The following TIAM1 variants were observed in gnomAD, a reference collection of about 807,000 sequenced individuals.
The protein encoded by TIAM1 is rho guanine nucleotide exchange factor TIAM1.
Under a neutral mutation model 163.5 loss-of-function variants are expected in TIAM1, and 65 were observed. That is an observed-to-expected ratio of 0.40 (90% CI 0.33 to 0.49). TIAM1 has a LOEUF of 0.49. Among genes scored for constraint, TIAM1 ranks in the 20% least tolerant of loss-of-function variants. The pLI is 0.77. For synonymous variants in TIAM1, 833 were observed against 810.1 expected (o/e 1.03, Z -0.48); for missense variants, 1,789 against 2,044.7 (o/e 0.87, Z 2.41).
chr21:31,327,138 G>A (rs755578843), intron 2 of TIAM1, among the ~76,000 whole-genome samples: 2 of 152,164 alleles, frequency 1.3e-5, no homozygotes, highest in African/African-American at 4.8e-5. Context: ...AAAGACGGTC[G>A]AATCTGCTCA....
chr21:31,392,112 A>G (rs920679042), intron 2 of TIAM1, among the ~76,000 whole-genome samples: 2 of 152,222 alleles, frequency 1.3e-5, no homozygotes, highest in Admixed American at 1.3e-4. Flanking sequence ...TGTTCGGTAG[A>G]TTAGGTGTAT....
At chr21:31,210,883 A>G (rs966940865) in intron 10 of TIAM1, among the ~76,000 whole-genome samples, 2 of 152,092 alleles carry the variant, frequency 1.3e-5, no homozygotes, top group African/African-American at 2.4e-5. Context: ...CAAGCAGGGA[A>G]TTCCTACAAC....
chr21:31,456,279 G>A (rs1282734797), intron 2 of TIAM1, among the ~76,000 whole-genome samples: 1 of 152,234 alleles, frequency 6.6e-6, no homozygotes, highest in South Asian at 2.1e-4. Context: ...AGATGGAGGA[G>A]GCTCAGGAAG....
intron 1 of TIAM1, among the ~76,000 whole-genome samples, chr21:31,478,921 C>G (rs894610394): frequency 6.6e-6 from 1 of 152,182 alleles, no homozygotes; most frequent in Non-Finnish European, 1.5e-5. Context: ...AATCCAGAAA[C>G]ATCGAAGACT....
At chr21:31,421,271 C>T (rs776349524) in intron 2 of TIAM1, among the ~76,000 whole-genome samples, 4 of 152,098 alleles carry the variant, frequency 2.6e-5, no homozygotes, top group East Asian at 1.9e-4. Context: ...AGTGACTGGA[C>T]GTTGCAGCTA....
chr21:31,230,266 A>T (rs2088334643), intron 6 of TIAM1, among the ~76,000 whole-genome samples: 1 of 152,198 alleles, frequency 6.6e-6, no homozygotes, highest in African/African-American at 2.4e-5. Flanking sequence ...ATATGTTATG[A>T]ACTTAAGAAT....
In TIAM1 at chr21:31,520,158, C is replaced by T. The variant is rs535111957; in HGVS notation, c.-422+38769G>A. Among the ~76,000 whole-genome samples, 489 of 152,178 alleles carry T rather than the reference C, an allele frequency of 3.2e-3. 7 individuals are homozygous for T. The highest frequency in any genetic ancestry group is 0.011 in the African/African-American group (465 of 41,512). Reference sequence around the variant, plus strand: ...CCAGCCTGACCAACATGGAAAAACCCTATCTCTACTAACAATACAAAAATT... The same window carrying T: ...CCAGCCTGACCAACATGGAAAAACCTTATCTCTACTAACAATACAAAAATT... On this transcript the variant is annotated intron_variant, in intron 1 of 28. Coordinates refer to the TIAM1 transcript ENST00000286827.
intron 15 of TIAM1, among the ~76,000 whole-genome samples, chr21:31,168,856 A>G (rs1333154774): frequency 2.0e-5 from 3 of 152,226 alleles, no homozygotes; most frequent in Non-Finnish European, 4.4e-5. Context: ...CCATAATCCC[A>G]TATTATAAAA....
chr21:31,356,242 T>G (rs2076315075), intron 2 of TIAM1, among the ~76,000 whole-genome samples: 1 of 152,200 alleles, frequency 6.6e-6, no homozygotes, highest in Non-Finnish European at 1.5e-5. Flanking sequence ...CTTGGAGTTT[T>G]CAACTTATAC....
intron 2 of TIAM1, among the ~76,000 whole-genome samples, chr21:31,396,605 T>C (rs891474427): frequency 6.7e-6 from 1 of 148,524 alleles, no homozygotes; most frequent in East Asian, 1.9e-4. Flanking sequence ...TTATATAATA[T>C]CAATTATATT....
At chr21:31,278,431 C>A (rs2146864112) in intron 2 of TIAM1, among the ~76,000 whole-genome samples, 1 of 152,274 alleles carries the variant, frequency 6.6e-6, no homozygotes, top group African/African-American at 2.4e-5. Flanking sequence ...CTAAGGCAAG[C>A]AAAAGAAAGG....
At chr21:31,499,102 C>T (rs1010641651) in intron 1 of TIAM1, among the ~76,000 whole-genome samples, 2 of 152,076 alleles carry the variant, frequency 1.3e-5, no homozygotes, top group Non-Finnish European at 2.9e-5. Flanking sequence ...ATACCTTGAG[C>T]ATTGGCTCTG....
intron 1 of TIAM1, among the ~76,000 whole-genome samples, chr21:31,510,459 C>G (rs902824868): frequency 1.3e-5 from 2 of 152,148 alleles, no homozygotes; most frequent in African/African-American, 4.8e-5. Flanking sequence ...AATGAGGGTT[C>G]GGGATTCAAC....
At chr21:31,271,030 C>G (rs759049019) in intron 3 of TIAM1, among the ~76,000 whole-genome samples, 1 of 152,174 alleles carries the variant, frequency 6.6e-6, no homozygotes, top group African/African-American at 2.4e-5. Flanking sequence ...ACATTTCTTA[C>G]CCCTCTTCTT....
chr21:31,304,149 C>T (rs2074606508), intron 2 of TIAM1, among the ~76,000 whole-genome samples: 1 of 152,168 alleles, frequency 6.6e-6, no homozygotes, highest in Non-Finnish European at 1.5e-5. Flanking sequence ...TGTTCATATA[C>T]TTCACTTACT....
chr21:31,134,735 T>C (rs1479593088), intron 23 of TIAM1, among the ~76,000 whole-genome samples: 1 of 152,204 alleles, frequency 6.6e-6, no homozygotes, highest in Non-Finnish European at 1.5e-5. Flanking sequence ...AGTCTTGAAC[T>C]CCTGACCTCA....
chr21:31,270,983 C>T (rs2073032062), intron 3 of TIAM1, among the ~76,000 whole-genome samples: 1 of 152,200 alleles, frequency 6.6e-6, no homozygotes, highest in African/African-American at 2.4e-5. Flanking sequence ...CCTGACCCCT[C>T]CTCCATCTAA....
chr21:31,514,856 G>A (rs1408273842), intron 1 of TIAM1, among the ~76,000 whole-genome samples: 1 of 152,226 alleles, frequency 6.6e-6, no homozygotes, highest in Non-Finnish European at 1.5e-5. Context: ...GCCCGCAGCT[G>A]GGTGGAACCA....
intron 1 of TIAM1, among the ~76,000 whole-genome samples, chr21:31,489,369 A>AGGG (rs1349219180): frequency 4.5e-5 from 1 of 22,066 alleles, no homozygotes; most frequent in Non-Finnish European, 8.2e-5. Flanking sequence ...GTTGGGGGGG[A>AGGG]GAGGAGGAGG....
Sources: allele counts gnomAD v4.1 joint callset (sites outside exome capture counted in the v4.1 genomes callset), GRCh38; gene constraint gnomAD v4.1.1; transcripts MANE v1.5; gene names NCBI Gene and HGNC (gene_info 2026-07-23, HGNC 2026-07-21).